Variants in CNBD1 observed in about 807,000 individuals in gnomAD.
CNBD1 encodes cyclic nucleotide binding domain containing 1.
In CNBD1, 71 loss-of-function variants were observed where a neutral mutation model predicts 54.4. The observed-to-expected ratio is 1.30, with a 90% CI of 1.08 to 1.59. CNBD1 has a LOEUF of 1.59. CNBD1 is among the 40% of genes most tolerant of loss of function. The pLI, the probability that CNBD1 is intolerant of heterozygous loss-of-function variation, is 0.00. For synonymous variants in CNBD1, 182 were observed against 170.7 expected, an observed-to-expected ratio of 1.07 and a Z score of -0.51; for missense variants, 659 against 518.0, an observed-to-expected ratio of 1.27 and a Z score of -2.64.
intron 4 of CNBD1, among the ~76,000 whole-genome samples, chr8:86,998,195 TTG>T: frequency 6.6e-6 from 1 of 151,478 alleles, no homozygotes; most frequent in East Asian, 1.9e-4. Context: ...TAACCTAGTT[TTG>T]TGTGTGTTTC....
At chr8:87,095,936 G>T (rs1586253154) in intron 4 of CNBD1, among the ~76,000 whole-genome samples, 2 of 152,198 alleles carry the variant, frequency 1.3e-5, no homozygotes, top group Admixed American at 6.5e-5. Context: ...GGGATTACAG[G>T]CATGAGCCAC....
intron 3 of CNBD1, among the ~76,000 whole-genome samples, chr8:86,926,051 C>T (rs771194697): frequency 1.5e-4 from 23 of 152,072 alleles, no homozygotes; most frequent in Admixed American, 6.6e-4. Flanking sequence ...TATCAGAGTG[C>T]GCTTTTTTCA....
intron 4 of CNBD1, among the ~76,000 whole-genome samples, chr8:87,118,758 G>T (rs1234703329): frequency 6.6e-6 from 1 of 152,068 alleles, no homozygotes; most frequent in Admixed American, 6.5e-5. Context: ...TGTCACTTTT[G>T]CCTTCACATT....
At chr8:87,059,065 A>G (rs1456458458) in intron 4 of CNBD1, among the ~76,000 whole-genome samples, 2 of 152,192 alleles carry the variant, frequency 1.3e-5, no homozygotes, top group African/African-American at 2.4e-5. Context: ...GGGCAGGGGC[A>G]AAAAGCTGCC....
intron 4 of CNBD1, among the ~76,000 whole-genome samples, chr8:87,032,683 A>G (rs1001732228): frequency 5.3e-5 from 8 of 152,172 alleles, no homozygotes; most frequent in African/African-American, 1.9e-4. Context: ...TTCTCCAAAA[A>G]TGTTTCTATA....
chr8:87,137,817 C>T (rs1246302009), intron 4 of CNBD1, among the ~76,000 whole-genome samples: 2 of 152,066 alleles, frequency 1.3e-5, no homozygotes, highest in Admixed American at 6.6e-5. Context: ...AGGATCTCTG[C>T]TCCAGAGAGA....
intron 2 of CNBD1, among the ~76,000 whole-genome samples, chr8:87,400,050 G>A (rs1025382045): frequency 1.3e-5 from 2 of 151,798 alleles, no homozygotes; most frequent in Non-Finnish European, 2.9e-5. Context: ...AGTGGTCACG[G>A]CACCAGCAAT....
At chr8:86,956,451 T>G (rs1807772625) in intron 4 of CNBD1, among the ~76,000 whole-genome samples, 1 of 152,240 alleles carries the variant, frequency 6.6e-6, no homozygotes, top group African/African-American at 2.4e-5. Context: ...CATTGATTCT[T>G]TCTATCCATG....
intron 10 of CNBD1, among the ~76,000 whole-genome samples, chr8:87,358,439 C>A (rs1329978817): frequency 1.3e-5 from 2 of 152,078 alleles, no homozygotes; most frequent in Admixed American, 6.6e-5. Context: ...AATATTTTTT[C>A]TTTTCCTATA....
chr8:87,063,051 A>G (rs1267761413), intron 4 of CNBD1, among the ~76,000 whole-genome samples: 1 of 152,154 alleles, frequency 6.6e-6, no homozygotes, highest in East Asian at 1.9e-4. Context: ...TTGGTTGTGT[A>G]TTTTTAATGG....
rs192931516 is a variant in CNBD1 at position 87,066,162 on chromosome 8, A to G, written c.431+126408A>G. Among the ~76,000 whole-genome samples, 14 of 152,136 alleles carry G rather than the reference A, an allele frequency of 9.2e-5. No individual in the cohort carries two copies. In the East Asian group the frequency reaches 2.7e-3, roughly 29 times the overall value. Reference sequence around the variant, plus strand: ...AATGTGCAAGTCAGAATGCCAGTGTATCAATGTATAATTTAAAAAATTAAG... The same window carrying G: ...AATGTGCAAGTCAGAATGCCAGTGTGTCAATGTATAATTTAAAAAATTAAG... On this transcript the variant is annotated intron_variant, in intron 4 of 10. Coordinates refer to ENST00000518476, the MANE Select transcript of CNBD1 (RefSeq NM_173538.3).
chr8:87,102,754 C>T (rs977867660), intron 4 of CNBD1, among the ~76,000 whole-genome samples: 2 of 152,116 alleles, frequency 1.3e-5, no homozygotes, highest in African/African-American at 2.4e-5. Flanking sequence ...GCTGGGACTA[C>T]AGGCACCTGC....
chr8:86,929,113 A>G (rs1809414995), intron 3 of CNBD1, among the ~76,000 whole-genome samples: 1 of 152,152 alleles, frequency 6.6e-6, no homozygotes. Flanking sequence ...GCGTCTGCCC[A>G]ATGGTTTTCT....
chr8:87,424,906 T>A (rs1808017836), intron 2 of CNBD1, among the ~76,000 whole-genome samples: 1 of 152,178 alleles, frequency 6.6e-6, no homozygotes, highest in African/African-American at 2.4e-5. Context: ...GATAATATCC[T>A]GCAGAGTGTT....
At chr8:87,002,265 C>A (rs1165031005) in intron 4 of CNBD1, among the ~76,000 whole-genome samples, 1 of 152,130 alleles carries the variant, frequency 6.6e-6, no homozygotes, top group Non-Finnish European at 1.5e-5. Flanking sequence ...TCTCATACTT[C>A]ATTTTCATAG....
At chr8:87,210,821 G>A (rs1814081367) in intron 5 of CNBD1, among the ~76,000 whole-genome samples, 1 of 152,174 alleles carries the variant, frequency 6.6e-6, no homozygotes, top group African/African-American at 2.4e-5. Context: ...CTAGGGTTAT[G>A]CAAAAGGGAA....
chr8:87,349,421 G>T (rs754485134), intron 8 of CNBD1, among the ~76,000 whole-genome samples: 17 of 152,130 alleles, frequency 1.1e-4, no homozygotes, highest in Non-Finnish European at 2.1e-4. Context: ...TGTCGCTCAG[G>T]TGGGAGTGCA....
intron 8 of CNBD1, among the ~76,000 whole-genome samples, chr8:87,340,067 G>A (rs1230869958): frequency 6.6e-6 from 1 of 152,072 alleles, no homozygotes; most frequent in Non-Finnish European, 1.5e-5. Flanking sequence ...TTTTGCCTAA[G>A]GCAGGTCTAG....
At chr8:87,311,321 T>C (rs1473336123) in intron 8 of CNBD1, among the ~76,000 whole-genome samples, 1 of 151,952 alleles carries the variant, frequency 6.6e-6, no homozygotes, top group Admixed American at 6.6e-5. Flanking sequence ...AAAGAAGACA[T>C]AAATGAAGCC....
Sources: allele counts gnomAD v4.1 joint callset (sites outside exome capture counted in the v4.1 genomes callset), GRCh38; gene constraint gnomAD v4.1.1; transcripts MANE v1.5; gene names NCBI Gene and HGNC (gene_info 2026-07-23, HGNC 2026-07-21).